The following JAM3 variants were observed in gnomAD, a reference collection of about 807,000 sequenced individuals.
The protein encoded by JAM3 is junctional adhesion molecule 3.
In JAM3, 31 loss-of-function variants were observed where a neutral mutation model predicts 39.4. The ratio of observed to expected loss-of-function variants is 0.79; its 90% CI spans 0.59 to 1.06. The LOEUF is 1.06. Ranked by LOEUF, JAM3 falls within the 50% of genes least tolerant of loss-of-function variation. The pLI, the probability that JAM3 is intolerant of heterozygous loss-of-function variation, is 0.00. For missense variants in JAM3, 455 were observed against 391.4 expected (o/e 1.16, Z -1.37); for synonymous variants, 182 against 148.7 (o/e 1.22, Z -1.63).
At position 134,148,955 on chromosome 11, in the gene JAM3, AACACACACACACACACACACACAC is replaced by A. The variant is rs368934602; in HGVS notation, c.897+154_898-151del. The A allele has an allele frequency of 2.1e-4, 146 of 690,010 alleles. 2 individuals carry two copies. The highest frequency in any genetic ancestry group is 2.0e-3 in the African/African-American group (108 of 55,264). 42.7% of individuals were successfully genotyped at this position (690,010 alleles called of 1,614,324 possible). ...CTGAGCTCCTCAGCCCCTTCACAGT[AACACACACACACACACACACACAC>A]ACACACACACACACACTAATGGGAT... On this transcript the variant is annotated intron_variant, in intron 8 of 8. Coordinates refer to ENST00000299106, the MANE Select transcript of JAM3 (RefSeq NM_032801.5).
intron 1 of JAM3, among the ~76,000 whole-genome samples, chr11:134,088,917 G>C (rs544648070): frequency 6.6e-6 from 1 of 152,316 alleles, no homozygotes; most frequent in Non-Finnish European, 1.5e-5. Context: ...AGCTTCCCAA[G>C]TAGCTGGGAC....
intron 1 of JAM3, among the ~76,000 whole-genome samples, chr11:134,120,634 C>G (rs1280398011): frequency 6.6e-6 from 1 of 152,186 alleles, no homozygotes; most frequent in Admixed American, 6.5e-5. Context: ...AACAAGTCTG[C>G]TCTGCTATTC....
chr11:134,121,074 G>C (rs1179210062), intron 1 of JAM3, among the ~76,000 whole-genome samples: 1 of 152,158 alleles, frequency 6.6e-6, no homozygotes, highest in Non-Finnish European at 1.5e-5. Flanking sequence ...AAATGGGGCT[G>C]TGCATAGCGT....
chr11:134,133,624 C>G (rs1461742783), intron 1 of JAM3, among the ~76,000 whole-genome samples: 1 of 152,126 alleles, frequency 6.6e-6, no homozygotes, highest in South Asian at 2.1e-4. Context: ...AGAAATCCCA[C>G]TTGTTAGGTA....
At chr11:134,100,695 T>C (rs1032792449) in intron 1 of JAM3, among the ~76,000 whole-genome samples, 2 of 152,184 alleles carry the variant, frequency 1.3e-5, no homozygotes, top group African/African-American at 4.8e-5. Context: ...ACTTTACGTA[T>C]GCTCTCTTAC....
chr11:134,143,360 T>G (rs1943009433), intron 3 of JAM3, among the ~76,000 whole-genome samples: 1 of 152,236 alleles, frequency 6.6e-6, no homozygotes, highest in South Asian at 2.1e-4. Context: ...TTTGTGTATT[T>G]TCTTTGGAGA....
At position 134,085,993 on chromosome 11, in the gene JAM3, G is replaced by A. The variant is rs531037994; in HGVS notation, c.76+16834G>A. On this transcript the variant is annotated intron_variant, in intron 1 of 8. Coordinates refer to ENST00000299106, the MANE Select transcript of JAM3 (RefSeq NM_032801.5). ...TATCTTTATTTTAAAATAATTTGGAGTTAGAAGACCTGGGTTCTGCTTTGA... is the reference window on the plus strand; with the variant it reads ...TATCTTTATTTTAAAATAATTTGGAATTAGAAGACCTGGGTTCTGCTTTGA... Among the ~76,000 whole-genome samples, 30 of 152,252 alleles carry A rather than the reference G, an allele frequency of 2.0e-4. No homozygotes were observed. The South Asian group carries it at 2.5e-3, about 13-fold the overall frequency.
chr11:134,148,323 C>T (rs1249391543), intron 6 of JAM3: 3 of 593,260 alleles, frequency 5.1e-6, no homozygotes, highest in African/African-American at 3.7e-5. Context: ...TGCATTTCAA[C>T]TGTAGAAGTC....
At position 134,123,368 on chromosome 11, in the gene JAM3, T is replaced by G. The variant is rs1442756547; in HGVS notation, c.77-16483T>G. Among the ~76,000 whole-genome samples the G allele has an allele frequency of 4.6e-5, 7 of 150,746 alleles. No individual in the cohort carries two copies. In the East Asian group the frequency reaches 1.4e-3, roughly 30 times the overall value. The stretch of plus-strand genomic sequence containing the variant: ...GAGAGGAAGGAAAAAAGGAGAAAAA[T>G]ACACCACCACCCCCCCCCCCCCAAA... On this transcript the variant is annotated intron_variant, in intron 1 of 8. Coordinates refer to ENST00000299106, the MANE Select transcript of JAM3 (RefSeq NM_032801.5).
Position 134,149,679 on chromosome 11 carries a change from TTTC to T in JAM3, c.*504_*506del, listed in dbSNP as rs946945134. The T allele has an allele frequency of 4.4e-6, 2 of 456,870 alleles. No homozygotes were observed. Among genetic ancestry groups the T allele is most frequent in the Non-Finnish European group, 4.4e-6 (1 of 227,428 alleles). The allele number at this position is 456,870 out of a possible 1,614,324, so 28.3% of individuals were successfully genotyped here. A position where few individuals can be genotyped will look rare whatever the true frequency, so the allele number is the denominator to read the frequency against. On this transcript the variant is annotated 3_prime_UTR_variant, in exon 9 of 9. Transcript: ENST00000299106. ...CATCGGCCCACAGACACCACCGCAG[TTTC>T]TTCTTAAAGGCTCTGCTGATCGGTG...
intron 1 of JAM3, among the ~76,000 whole-genome samples, chr11:134,076,560 C>T (rs1455478144): frequency 6.6e-6 from 1 of 152,114 alleles, no homozygotes; most frequent in African/African-American, 2.4e-5. Context: ...GTTGTTATTT[C>T]TTATGACTTG....
At chr11:134,138,894 G>A (rs1445463756) in intron 1 of JAM3, among the ~76,000 whole-genome samples, 1 of 152,186 alleles carries the variant, frequency 6.6e-6, no homozygotes, top group East Asian at 1.9e-4. Context: ...GGAAAAGAAT[G>A]GGCTGTGTGA....
At chr11:134,109,594 G>T (rs1467175677) in intron 1 of JAM3, among the ~76,000 whole-genome samples, 7 of 152,170 alleles carry the variant, frequency 4.6e-5, no homozygotes, top group African/African-American at 1.4e-4. Context: ...CAAGGTTAAG[G>T]ACATGCCCGG....
intron 1 of JAM3, among the ~76,000 whole-genome samples, chr11:134,069,479 G>A (rs1468277274): frequency 1.3e-5 from 2 of 151,696 alleles, no homozygotes; most frequent in Non-Finnish European, 2.9e-5. Context: ...TCTCGGGCGG[G>A]GTCCTGTGCT....
At chr11:134,089,663 A>T (rs1228951909) in intron 1 of JAM3, among the ~76,000 whole-genome samples, 1 of 152,204 alleles carries the variant, frequency 6.6e-6, no homozygotes, top group African/African-American at 2.4e-5. Flanking sequence ...GCTGCATAGT[A>T]TTCCATGATG....
At chr11:134,130,814 C>T (rs1942755490) in intron 1 of JAM3, among the ~76,000 whole-genome samples, 1 of 152,184 alleles carries the variant, frequency 6.6e-6, no homozygotes, top group Non-Finnish European at 1.5e-5. Context: ...TCTATTCCAG[C>T]CTTTCTGGGG....
At position 134,151,098 on chromosome 11, in the gene JAM3, A is replaced by G. The variant is rs975728053; in HGVS notation, c.*1917A>G. ...TGCTGTAAAGCAAGGAGCTGCTGAG[A>G]AGGAGCACTCCACTGTGTGCCTGGA... On this transcript the variant is annotated 3_prime_UTR_variant, in exon 9 of 9. Coordinates refer to ENST00000299106, the MANE Select transcript of JAM3 (RefSeq NM_032801.5). 1 of 152,248 alleles carries G rather than the reference A, an allele frequency of 6.6e-6. No homozygotes were observed. The highest frequency in any genetic ancestry group is 6.5e-5 in the Admixed American group (1 of 15,292). 9.4% of individuals were successfully genotyped at this position (152,248 alleles called of 1,614,324 possible).
chr11:134,140,514 C>T, intron 2 of JAM3, 143 bp from the exon 3 acceptor site: 1 of 700,950 alleles, frequency 1.4e-6, no homozygotes, highest in South Asian at 1.6e-5. Flanking sequence ...AATCCTTTCT[C>T]AAAGTCTCTT....
chr11:134,099,441 C>A (rs1365702446), intron 1 of JAM3, among the ~76,000 whole-genome samples: 1 of 152,110 alleles, frequency 6.6e-6, no homozygotes, highest in Non-Finnish European at 1.5e-5. Context: ...CATTTAGATC[C>A]TTTTCTCACT....
Sources: gnomAD v4.1 joint callset for allele counts (sites outside exome capture counted in the v4.1 genomes callset) on GRCh38, gnomAD v4.1.1 for gene constraint, MANE v1.5 for transcripts, NCBI Gene and HGNC (gene_info 2026-07-23, HGNC 2026-07-21) for gene names.